Variants in HS3ST4 observed in about 807,000 individuals in gnomAD.
The protein encoded by HS3ST4 is heparan sulfate glucosamine 3-O-sulfotransferase 4.
Under a neutral mutation model 29.2 loss-of-function variants are expected in HS3ST4, and 17 were observed. The ratio of observed to expected loss-of-function variants is 0.58; its 90% CI spans 0.40 to 0.87. The LOEUF is 0.87. Among genes scored for constraint, HS3ST4 ranks in the 40% least tolerant of loss-of-function variants. The probability of loss-of-function intolerance (pLI) is 0.00; values close to 1 mark genes in which losing one functional copy is unlikely to be tolerated. For synonymous variants in HS3ST4, 314 were observed against 285.7 expected, an observed-to-expected ratio of 1.10 and a Z score of -1.00; for missense variants, 627 against 634.5, an observed-to-expected ratio of 0.99 and a Z score of 0.13.
chr16:25,990,000 T>A (rs1057070759), intron 1 of HS3ST4, among the ~76,000 whole-genome samples: 7 of 152,246 alleles, frequency 4.6e-5, no homozygotes, highest in African/African-American at 1.7e-4. Context: ...TTTACCTTTT[T>A]CAGAATGACA....
chr16:25,732,686 A>C (rs1247255253), intron 1 of HS3ST4, among the ~76,000 whole-genome samples: 1 of 152,128 alleles, frequency 6.6e-6, no homozygotes, highest in Non-Finnish European at 1.5e-5. Flanking sequence ...CAGCAACAAC[A>C]ATCATAAAAA....
chr16:25,817,587 TACC>T (rs1967106629), intron 1 of HS3ST4, among the ~76,000 whole-genome samples: 1 of 152,218 alleles, frequency 6.6e-6, no homozygotes, highest in Non-Finnish European at 1.5e-5. Flanking sequence ...AGATGGATGG[TACC>T]CAGAAGAGAG....
At chr16:25,918,611 C>CCTGGCTT (rs1968316219) in intron 1 of HS3ST4, among the ~76,000 whole-genome samples, 1 of 152,098 alleles carries the variant, frequency 6.6e-6, no homozygotes, top group African/African-American at 2.4e-5. Flanking sequence ...AGGCAGGTCT[C>CCTGGCTT]CAGGAAGAGA....
intron 1 of HS3ST4, among the ~76,000 whole-genome samples, chr16:25,807,645 A>C (rs556347558): frequency 6.6e-6 from 1 of 152,154 alleles, no homozygotes; most frequent in Non-Finnish European, 1.5e-5. Context: ...GGTAAACATA[A>C]ATTTCTATGT....
chr16:25,737,130 G>A (rs1377669380), intron 1 of HS3ST4, among the ~76,000 whole-genome samples: 5 of 152,178 alleles, frequency 3.3e-5, no homozygotes, highest in Non-Finnish European at 2.9e-5. Flanking sequence ...AAGAAAATGC[G>A]GTGCATGTGC....
chr16:25,706,375 A>G (rs1207966580), intron 1 of HS3ST4, among the ~76,000 whole-genome samples: 3 of 151,988 alleles, frequency 2.0e-5, no homozygotes, highest in African/African-American at 7.3e-5. Context: ...CTTTCTTTTT[A>G]AATCTTTTTT....
chr16:25,857,935 T>C (rs934424447), intron 1 of HS3ST4, among the ~76,000 whole-genome samples: 57 of 52,560 alleles, frequency 1.1e-3, no homozygotes, highest in African/African-American at 3.9e-3. Context: ...TTTCTTTCTT[T>C]CTTTCTTTCT....
chr16:25,912,816 C>G (rs558710731), intron 1 of HS3ST4, among the ~76,000 whole-genome samples: 37 of 152,280 alleles, frequency 2.4e-4, no homozygotes, highest in African/African-American at 8.9e-4. Flanking sequence ...CTGGCAGGAA[C>G]TGGGGAAGCA....
intron 1 of HS3ST4, among the ~76,000 whole-genome samples, chr16:26,037,438 T>G (rs1317596333): frequency 6.6e-6 from 1 of 152,166 alleles, no homozygotes; most frequent in African/African-American, 2.4e-5. Flanking sequence ...TGTTGTGTTG[T>G]ACTCACACAC....
chr16:26,015,902 T>A (rs1048146551), intron 1 of HS3ST4, among the ~76,000 whole-genome samples: 4 of 152,154 alleles, frequency 2.6e-5, no homozygotes, highest in African/African-American at 9.7e-5. Context: ...CCCAGAGGCA[T>A]TTATCAAGGT....
At position 25,794,905 on chromosome 16, in the gene HS3ST4, A is replaced by G. The variant is rs1479429648; in HGVS notation, c.734+101754A>G. On this transcript the variant is annotated intron_variant, in intron 1 of 1. Coordinates refer to ENST00000331351, the MANE Select transcript of HS3ST4 (RefSeq NM_006040.3). ...AACCTTTACTCAAGAATACACACAC[A>G]CACACACACACACACACACACACAC... 5.2e-4 allele frequency among the ~76,000 whole-genome samples: 29 copies of G among 56,002 alleles called. 1 individual carries two copies. Among genetic ancestry groups the G allele is most frequent in the African/African-American group, 7.7e-4 (13 of 16,940 alleles). 36.7% of individuals were successfully genotyped at this position (56,002 alleles called of 152,430 possible). A position where few individuals can be genotyped will look rare whatever the true frequency, so the allele number is the denominator to read the frequency against.
At chr16:26,006,409 G>A (rs1170686114) in intron 1 of HS3ST4, among the ~76,000 whole-genome samples, 1 of 150,430 alleles carries the variant, frequency 6.6e-6, no homozygotes, top group Non-Finnish European at 1.5e-5. Context: ...AGGTGAGAGT[G>A]TAAACTGCCC....
intron 1 of HS3ST4, among the ~76,000 whole-genome samples, chr16:26,118,272 G>T (rs181293135): frequency 6.6e-6 from 1 of 152,244 alleles, no homozygotes; most frequent in East Asian, 1.9e-4. Flanking sequence ...TTGCCATGTT[G>T]CCCAGGCTGG....
chr16:25,891,588 T>G (rs930005063), intron 1 of HS3ST4, among the ~76,000 whole-genome samples: 1 of 152,110 alleles, frequency 6.6e-6, no homozygotes, highest in African/African-American at 2.4e-5. Flanking sequence ...AACACAGAAA[T>G]GGATGGCATT....
intron 1 of HS3ST4, among the ~76,000 whole-genome samples, chr16:25,765,018 CAGA>C (rs1438946517): frequency 6.6e-6 from 1 of 152,084 alleles, no homozygotes; most frequent in Non-Finnish European, 1.5e-5. Flanking sequence ...TGGAGGTGAG[CAGA>C]AGAAATAAAT....
At chr16:26,015,159 T>C (rs1391742784) in intron 1 of HS3ST4, among the ~76,000 whole-genome samples, 1 of 152,162 alleles carries the variant, frequency 6.6e-6, no homozygotes, top group Non-Finnish European at 1.5e-5. Flanking sequence ...GCAACAAGTG[T>C]GGGGGCCCTC....
chr16:25,693,072 G>C lies in HS3ST4; in HGVS notation c.655G>C (p.Val219Leu). ...CCGCGCGCTGCTGGAGGCGATCCGC[G>C]TGCACCCGGACGTGCGGGCGGTGGG... is the stretch of plus-strand genomic sequence containing the variant. ...GTRALLEAIR[V>L]HPDVRAVGVE... Residue 219 changes from valine to leucine, a missense_variant, in exon 1 of 2, where the codon GTG becomes CTG. Val to Leu is a conservative substitution (Grantham distance 32). Around this residue, in one of 2 missense-constraint regions of HS3ST4, gnomAD observed 402 missense variants for 340.8 expected, o/e 1.18. Transcript: ENST00000331351. 6.2e-7 allele frequency: 1 copy of C among 1,608,590 alleles called. No individual in the cohort carries two copies. The highest frequency in any genetic ancestry group is 8.5e-7 in the Non-Finnish European group (1 of 1,177,892).
In HS3ST4 at chr16:25,933,023, C is replaced by T. The variant is rs1412240835; in HGVS notation, c.735-202589C>T. Among the ~76,000 whole-genome samples, 5 of 152,120 alleles carry T rather than the reference C, an allele frequency of 3.3e-5. No homozygotes were observed. The East Asian group carries it at 9.6e-4, about 29-fold the overall frequency. On this transcript the variant is annotated intron_variant, in intron 1 of 1. Coordinates refer to ENST00000331351, the MANE Select transcript of HS3ST4 (RefSeq NM_006040.3). The stretch of plus-strand genomic sequence containing the variant: ...TTTCTGTTTATTCAGGTGTCTGCTT[C>T]CAGATTTCTTTGTCCCACATTTTGC...
chr16:25,895,140 GAT>G (rs1011595505), intron 1 of HS3ST4, among the ~76,000 whole-genome samples: 2 of 46,734 alleles, frequency 4.3e-5, no homozygotes, highest in East Asian at 1.7e-3. Context: ...GGTGAGGCAG[GAT>G]GTGTGTGTGT....
Sources: allele counts gnomAD v4.1 joint callset (sites outside exome capture counted in the v4.1 genomes callset), GRCh38; gene constraint gnomAD v4.1.1; regional missense constraint gnomAD v4.1.1; transcripts MANE v1.5; gene names NCBI Gene and HGNC (gene_info 2026-07-23, HGNC 2026-07-21).